Variants in ESR1 observed in about 807,000 individuals in gnomAD.
ESR1 encodes estrogen receptor 1.
Under a neutral mutation model 52.7 loss-of-function variants are expected in ESR1, and 12 were observed. The observed-to-expected ratio is 0.23, with a 90% CI of 0.15 to 0.37. ESR1 has a LOEUF of 0.37. Ranked by LOEUF, ESR1 falls within the 10% of genes least tolerant of loss-of-function variation. The pLI is 1.00. For synonymous variants in ESR1, 305 were observed against 316.8 expected (o/e 0.96, Z 0.39); for missense variants, 584 against 779.7 (o/e 0.75, Z 2.99).
intron 5 of ESR1, among the ~76,000 whole-genome samples, chr6:152,041,239 G>A (rs778307643): frequency 6.6e-6 from 1 of 152,188 alleles, no homozygotes; most frequent in Non-Finnish European, 1.5e-5. Flanking sequence ...GACACTTCAA[G>A]CACCATTGGA....
At chr6:151,990,106 A>G (rs1015384706) in intron 4 of ESR1, among the ~76,000 whole-genome samples, 1 of 152,176 alleles carries the variant, frequency 6.6e-6, no homozygotes, top group African/African-American at 2.4e-5. Context: ...AACATTTATA[A>G]TGTTAATAAA....
At chr6:151,946,738 T>C (rs1381039637) in intron 4 of ESR1, among the ~76,000 whole-genome samples, 1 of 152,194 alleles carries the variant, frequency 6.6e-6, no homozygotes, top group Non-Finnish European at 1.5e-5. Flanking sequence ...ACAGCTGTTG[T>C]AAATCAAAGG....
intron 4 of ESR1, among the ~76,000 whole-genome samples, chr6:151,985,098 T>C (rs2040334145): frequency 6.6e-6 from 1 of 152,088 alleles, no homozygotes; most frequent in South Asian, 2.1e-4. Context: ...ATGAAACGTG[T>C]CACTCAGCAT....
At chr6:151,747,553 A>AT (rs199727241) in intron 2 of ESR1, among the ~76,000 whole-genome samples, 12 of 151,816 alleles carry the variant, frequency 7.9e-5, no homozygotes, top group Middle Eastern at 3.2e-3. Flanking sequence ...TCTAAAAACT[A>AT]TTTTTTTTCC....
intron 3 of ESR1, among the ~76,000 whole-genome samples, chr6:151,913,979 A>G (rs1005696532): frequency 6.6e-6 from 1 of 152,066 alleles, no homozygotes; most frequent in Non-Finnish European, 1.5e-5. Flanking sequence ...TCTTCCCTCT[A>G]CAGTATGTGG....
At chr6:151,809,176 G>A in intron 1 of ESR1, 2 of 455,636 alleles carry the variant, frequency 4.4e-6, no homozygotes, top group Admixed American at 2.4e-5. Context: ...CCGGAGTGGC[G>A]TGCGGGTCAG....
At chr6:151,755,316 G>A (rs1284230204) in intron 2 of ESR1, among the ~76,000 whole-genome samples, 2 of 150,538 alleles carry the variant, frequency 1.3e-5, no homozygotes, top group Non-Finnish European at 2.9e-5. Context: ...TTCTTACAAT[G>A]AGTCCTATCT....
chr6:151,940,695 C>T (rs1244784529), intron 3 of ESR1, among the ~76,000 whole-genome samples: 3 of 152,196 alleles, frequency 2.0e-5, no homozygotes, highest in African/African-American at 7.2e-5. Flanking sequence ...GTCACTTCCT[C>T]CCATCCACTG....
intron 3 of ESR1, among the ~76,000 whole-genome samples, chr6:151,913,470 T>C (rs1457161343): frequency 6.6e-6 from 1 of 152,214 alleles, no homozygotes. Context: ...TCCTGTTAAA[T>C]GTCACCCCAT....
chr6:151,941,950 C>T (rs1316031301), intron 3 of ESR1, among the ~76,000 whole-genome samples: 43 of 152,324 alleles, frequency 2.8e-4, no homozygotes, highest in Non-Finnish European at 2.6e-4. Flanking sequence ...GCTAACCCTT[C>T]GTTGTTCCTC....
chr6:151,860,076 T>G (rs1257032334), intron 2 of ESR1, among the ~76,000 whole-genome samples: 1 of 152,236 alleles, frequency 6.6e-6, no homozygotes, highest in Admixed American at 6.5e-5. Flanking sequence ...ATTTAATTAT[T>G]GTGCTTCTAA....
chr6:151,840,366 A>G (rs1253830563), intron 1 of ESR1, among the ~76,000 whole-genome samples: 1 of 152,218 alleles, frequency 6.6e-6, no homozygotes, highest in Non-Finnish European at 1.5e-5. Context: ...CAGAATATGA[A>G]CTAGAATTGA....
chr6:152,106,087 C>T (rs2051064037), downstream of ESR1, among the ~76,000 whole-genome samples: 1 of 152,104 alleles, frequency 6.6e-6, no homozygotes, highest in Admixed American at 6.5e-5. Context: ...GCCACCGCGC[C>T]CGGCCTCAGT....
At chr6:151,883,129 T>G (rs555221144) in intron 3 of ESR1, among the ~76,000 whole-genome samples, 1 of 152,022 alleles carries the variant, frequency 6.6e-6, no homozygotes, top group Non-Finnish European at 1.5e-5. Context: ...CTCCCTTTTT[T>G]TTTTTTGAGA....
chr6:151,686,683 A>G (rs559159458), upstream of ESR1, among the ~76,000 whole-genome samples: 658 of 142,744 alleles, frequency 4.6e-3, 8 homozygotes, highest in African/African-American at 0.015. Context: ...GCAAGACTCC[A>G]TCTCAAAACC....
At chr6:151,746,157 T>C (rs1018795978) in intron 2 of ESR1, among the ~76,000 whole-genome samples, 1 of 152,196 alleles carries the variant, frequency 6.6e-6, no homozygotes, top group Non-Finnish European at 1.5e-5. Flanking sequence ...CTGTTGTAAA[T>C]AATGCTGCTG....
intron 3 of ESR1, among the ~76,000 whole-genome samples, chr6:151,943,390 CAAAAAAAAACAAAAACA>C (rs2035330254): frequency 7.2e-6 from 1 of 138,848 alleles, no homozygotes; most frequent in Non-Finnish European, 1.5e-5. Context: ...AAAAAAAAAA[CAAAAAAAAACAAAAACA>C]AAAAAAAAAC....
At chr6:152,089,364 G>A (rs1289354575) in intron 6 of ESR1, among the ~76,000 whole-genome samples, 1 of 152,114 alleles carries the variant, frequency 6.6e-6, no homozygotes, top group African/African-American at 2.4e-5. Context: ...ACATCCGGTT[G>A]TATTGTTTTT....
chr6:151,741,425 G>A (rs1025217174), intron 2 of ESR1, among the ~76,000 whole-genome samples: 5 of 151,988 alleles, frequency 3.3e-5, no homozygotes, highest in Non-Finnish European at 5.9e-5. Context: ...AGTATTTTTT[G>A]AGCCCAAAAA....
Sources: allele counts gnomAD v4.1 joint callset (sites outside exome capture counted in the v4.1 genomes callset), GRCh38; gene constraint gnomAD v4.1.1; transcripts MANE v1.5; gene names NCBI Gene and HGNC (gene_info 2026-07-23, HGNC 2026-07-21).